The following SDCCAG8 variants were observed in gnomAD, a reference collection of about 807,000 sequenced individuals.
SDCCAG8 encodes serologically defined colon cancer antigen 8.
In SDCCAG8, 74 loss-of-function variants were observed where a neutral mutation model predicts 101.8. The ratio of observed to expected loss-of-function variants is 0.73; its 90% CI spans 0.60 to 0.88. SDCCAG8 has a LOEUF of 0.88. Among genes scored for constraint, SDCCAG8 ranks in the 40% least tolerant of loss-of-function variants. SDCCAG8 has a pLI of 0.00. For synonymous variants in SDCCAG8, 281 were observed against 292.9 expected (o/e 0.96, Z 0.41); for missense variants, 787 against 822.6 (o/e 0.96, Z 0.53).
intron 1 of SDCCAG8, among the ~76,000 whole-genome samples, chr1:243,268,512 T>G (rs1362492343): frequency 1.3e-5 from 2 of 152,196 alleles, no homozygotes; most frequent in East Asian, 3.8e-4. Context: ...TGTGTGGACA[T>G]AGGATTGGTA....
At chr1:243,401,537 T>C (rs962466998) in intron 13 of SDCCAG8, among the ~76,000 whole-genome samples, 2 of 152,218 alleles carry the variant, frequency 1.3e-5, no homozygotes, top group African/African-American at 4.8e-5. Flanking sequence ...ATAGAAACAC[T>C]ATCCAATGAT....
At chr1:243,414,565 T>G (rs540053202) in intron 13 of SDCCAG8, among the ~76,000 whole-genome samples, 1 of 152,262 alleles carries the variant, frequency 6.6e-6, no homozygotes, top group African/African-American at 2.4e-5. Flanking sequence ...CCACATGCAT[T>G]GACCAATTTT....
At chr1:243,450,214 A>G (rs1008918186) in intron 16 of SDCCAG8, among the ~76,000 whole-genome samples, 2 of 152,214 alleles carry the variant, frequency 1.3e-5, no homozygotes, top group African/African-American at 4.8e-5. Context: ...GTCCCAGTGT[A>G]TGGAAGTGTA....
intron 10 of SDCCAG8, 113 bp from the exon 11 acceptor site, chr1:243,340,926 G>A (rs1049732397): frequency 1.8e-5 from 20 of 1,089,954 alleles, no homozygotes; most frequent in Non-Finnish European, 2.7e-5. Flanking sequence ...AATCCACAGA[G>A]AAATGGCTCA....
intron 4 of SDCCAG8, among the ~76,000 whole-genome samples, chr1:243,281,584 A>G (rs554292710): frequency 4.1e-5 from 6 of 147,146 alleles, no homozygotes; most frequent in Non-Finnish European, 7.5e-5. Context: ...ATTTGTTACT[A>G]TTATCTTCAT....
chr1:243,376,151 A>AT (rs1293877610), intron 12 of SDCCAG8, among the ~76,000 whole-genome samples: 4 of 152,156 alleles, frequency 2.6e-5, no homozygotes, highest in Non-Finnish European at 4.4e-5. Flanking sequence ...TAGGTGGGTC[A>AT]TTTTTTCTTG....
chr1:243,342,108 T>C (rs1478153218), intron 11 of SDCCAG8, among the ~76,000 whole-genome samples: 1 of 152,204 alleles, frequency 6.6e-6, no homozygotes, highest in Admixed American at 6.5e-5. Flanking sequence ...TTAGCTAATG[T>C]AGAAGTTTAA....
At chr1:243,361,111 A>G (rs1168666410) in intron 12 of SDCCAG8, among the ~76,000 whole-genome samples, 8 of 152,078 alleles carry the variant, frequency 5.3e-5, no homozygotes, top group African/African-American at 7.2e-5. Flanking sequence ...TATTCCTCTC[A>G]GGTTTATGTC....
chr1:243,438,086 A>G (rs2082267956), intron 16 of SDCCAG8, among the ~76,000 whole-genome samples: 1 of 152,166 alleles, frequency 6.6e-6, no homozygotes, highest in South Asian at 2.1e-4. Context: ...GTCAGTGGGC[A>G]GTGGATGTCC....
chr1:243,372,690 G>C (rs2077360008), intron 12 of SDCCAG8, among the ~76,000 whole-genome samples: 1 of 150,114 alleles, frequency 6.7e-6, no homozygotes, highest in Non-Finnish European at 1.5e-5. Flanking sequence ...AGCAAGAAAT[G>C]TTTTTTTTTA....
chr1:243,362,354 A>G (rs902043919), intron 12 of SDCCAG8, among the ~76,000 whole-genome samples: 13 of 151,992 alleles, frequency 8.6e-5, no homozygotes, highest in Non-Finnish European at 1.6e-4. Context: ...AGAGATGGCC[A>G]AGTGACTGCC....
intron 5 of SDCCAG8, among the ~76,000 whole-genome samples, chr1:243,292,139 G>A (rs1400451749): frequency 6.6e-6 from 1 of 152,174 alleles, no homozygotes; most frequent in Non-Finnish European, 1.5e-5. Context: ...CGCCAACCCA[G>A]AAATTCTCTG....
intron 16 of SDCCAG8, among the ~76,000 whole-genome samples, chr1:243,472,191 C>G (rs1661401558): frequency 6.6e-6 from 1 of 152,194 alleles, no homozygotes; most frequent in African/African-American, 2.4e-5. Context: ...GGTCTGCCTC[C>G]TCTCTGGGGT....
intron 13 of SDCCAG8, among the ~76,000 whole-genome samples, chr1:243,401,755 G>A (rs1004762561): frequency 5.3e-5 from 8 of 151,876 alleles, no homozygotes; most frequent in South Asian, 2.1e-4. Flanking sequence ...AAATGAAGGG[G>A]ATCATTTTGG....
intron 7 of SDCCAG8, among the ~76,000 whole-genome samples, chr1:243,306,961 G>A (rs2072196448): frequency 6.6e-6 from 1 of 152,008 alleles, no homozygotes; most frequent in Non-Finnish European, 1.5e-5. Flanking sequence ...CACAGCACCT[G>A]AGCGTGGAGA....
chr1:243,388,401 C>T (rs756676528), intron 13 of SDCCAG8, among the ~76,000 whole-genome samples: 6 of 152,160 alleles, frequency 3.9e-5, no homozygotes, highest in East Asian at 1.9e-4. Context: ...GGCACACACA[C>T]GCACTTTTGG....
Position 243,274,576 on chromosome 1 carries a change from A to G in SDCCAG8, c.340A>G (p.Thr114Ala), listed in dbSNP as rs1049848957. The G allele has an allele frequency of 1.2e-6, 2 of 1,608,122 alleles. No homozygotes were observed. The highest frequency in any genetic ancestry group is 1.7e-6 in the Non-Finnish European group (2 of 1,175,266). Residue 114 changes from threonine to alanine, a missense_variant, in exon 4 of 18, where the codon ACT (threonine) becomes GCT (alanine). Transcript: ENST00000366541. ...SLEHEETNMP[T>A]MHDLVHTIND... The stretch of plus-strand genomic sequence containing the variant: ...AGAACATGAGGAAACCAATATGCCT[A>G]CTATGCACGACCTTGTTCATACTAT...
intron 15 of SDCCAG8, among the ~76,000 whole-genome samples, chr1:243,421,259 A>C (rs928555291): frequency 3.3e-5 from 5 of 152,214 alleles, no homozygotes; most frequent in African/African-American, 1.2e-4. Flanking sequence ...CAACTAAACA[A>C]ATAGATTCCT....
At chr1:243,424,394 C>A (rs1346593924) in intron 15 of SDCCAG8, among the ~76,000 whole-genome samples, 2 of 151,914 alleles carry the variant, frequency 1.3e-5, no homozygotes, top group East Asian at 1.9e-4. Flanking sequence ...AAATACATAT[C>A]TATTTTAAAA....
Sources: allele counts gnomAD v4.1 joint callset (sites outside exome capture counted in the v4.1 genomes callset), GRCh38; gene constraint gnomAD v4.1.1; transcripts MANE v1.5; gene names NCBI Gene and HGNC (gene_info 2026-07-23, HGNC 2026-07-21).